The following MAP4K4 variants were observed in gnomAD, a reference collection of about 807,000 sequenced individuals.
The protein encoded by MAP4K4 is mitogen-activated protein kinase kinase kinase kinase 4.
MAP4K4 carries 38 observed loss-of-function variants against 189.6 expected under a neutral mutation model. The observed-to-expected ratio is 0.20, with a 90% confidence interval of 0.15 to 0.26. The LOEUF (loss-of-function observed/expected upper bound fraction) is 0.26. Ranked by LOEUF, MAP4K4 falls within the 10% of genes least tolerant of loss-of-function variation. MAP4K4 has a pLI of 1.00. For missense variants in MAP4K4, 1,054 were observed against 1,726.9 expected (o/e 0.61, Z 6.91); for synonymous variants, 610 against 624.3 (o/e 0.98, Z 0.34).
At chr2:101,872,601 G>A (rs747744291) in intron 24 of MAP4K4, among the ~76,000 whole-genome samples, 8 of 152,152 alleles carry the variant, frequency 5.3e-5, no homozygotes, top group Non-Finnish European at 5.9e-5. Context: ...CCTCTCCTCC[G>A]GAGGAGCAGT....
At chr2:101,701,951 C>T (rs893996570) in intron 2 of MAP4K4, among the ~76,000 whole-genome samples, 3 of 152,132 alleles carry the variant, frequency 2.0e-5, no homozygotes, top group Non-Finnish European at 2.9e-5. Context: ...CTGTAACCTC[C>T]GTCTCCCGGG....
intron 2 of MAP4K4, among the ~76,000 whole-genome samples, chr2:101,745,325 A>G (rs1437958991): frequency 9.4e-6 from 1 of 105,854 alleles, no homozygotes; most frequent in Non-Finnish European, 1.7e-5. Flanking sequence ...AAGTGAAAAT[A>G]TCACCCCCCC....
intron 2 of MAP4K4, among the ~76,000 whole-genome samples, chr2:101,714,576 C>T (rs1011186086): frequency 1.3e-5 from 2 of 152,162 alleles, no homozygotes; most frequent in African/African-American, 4.8e-5. Context: ...TCCCCGTTAT[C>T]AAAAAACCGT....
chr2:101,840,227 T>C (rs536151298), intron 10 of MAP4K4, among the ~76,000 whole-genome samples: 1 of 152,258 alleles, frequency 6.6e-6, no homozygotes, highest in South Asian at 2.1e-4. Flanking sequence ...GGCATTGCGA[T>C]GGGATGCTTT....
chr2:101,835,120 A>G lies in MAP4K4; in HGVS notation c.694+657A>G, dbSNP rs903730755. Among the ~76,000 whole-genome samples, 75 of 152,372 alleles carry G rather than the reference A, an allele frequency of 4.9e-4. 1 individual carries two copies. The highest frequency in any genetic ancestry group is 1.5e-3 in the African/African-American group (62 of 41,594). On this transcript the variant is annotated intron_variant, in intron 8 of 32. Transcript: ENST00000324219. ...TGAAAATAATTATCGACAGCTAAAA[A>G]TTAGTTTTCAGTATAGAAATAGAGA...
intron 2 of MAP4K4, among the ~76,000 whole-genome samples, chr2:101,739,882 A>G (rs1302707798): frequency 6.6e-6 from 1 of 152,168 alleles, no homozygotes; most frequent in Non-Finnish European, 1.5e-5. Context: ...CGGACTTTAT[A>G]AATCTTTTGT....
chr2:101,855,942 A>G (rs1385314044), intron 12 of MAP4K4, 35 bp from the exon 13 acceptor site: 1 of 1,536,106 alleles, frequency 6.5e-7, no homozygotes, highest in Non-Finnish European at 8.8e-7. Context: ...GATGGCGGGA[A>G]GATCCCTGGT....
chr2:101,859,773 A>AGCC (rs780336051), exon 15 of MAP4K4: 1 of 1,610,468 alleles, frequency 6.2e-7, no homozygotes, highest in South Asian at 1.1e-5. Context: ...CACTCGCAGC[A>AGCC]GCCGCCACCA....
At chr2:101,770,604 A>G (rs2080931551) in intron 2 of MAP4K4, among the ~76,000 whole-genome samples, 1 of 152,218 alleles carries the variant, frequency 6.6e-6, no homozygotes, top group Non-Finnish European at 1.5e-5. Flanking sequence ...TTTATAGAAT[A>G]AAAATATTAC....
intron 3 of MAP4K4, among the ~76,000 whole-genome samples, chr2:101,821,223 T>C (rs1458275446): frequency 6.6e-6 from 1 of 152,248 alleles, no homozygotes; most frequent in Non-Finnish European, 1.5e-5. Context: ...TATTGGGTCA[T>C]GTGACTGTTG....
chr2:101,809,369 G>A (rs957979426), intron 3 of MAP4K4, among the ~76,000 whole-genome samples: 2 of 149,640 alleles, frequency 1.3e-5, no homozygotes, highest in African/African-American at 4.9e-5. Flanking sequence ...TTTTGTTGTT[G>A]TTAGCTTACA....
intron 27 of MAP4K4, among the ~76,000 whole-genome samples, chr2:101,881,504 G>T (rs999091754): frequency 2.0e-5 from 3 of 152,058 alleles, no homozygotes; most frequent in Admixed American, 6.5e-5. Flanking sequence ...CCCAGTCCTT[G>T]TACCTTTTAT....
intron 2 of MAP4K4, among the ~76,000 whole-genome samples, chr2:101,760,649 T>G (rs1192280280): frequency 6.6e-6 from 1 of 152,030 alleles, no homozygotes; most frequent in Non-Finnish European, 1.5e-5. Context: ...TAAGATGTTC[T>G]TCTATTTAAA....
At chr2:101,842,023 A>C (rs1366189696) in intron 10 of MAP4K4, among the ~76,000 whole-genome samples, 1 of 152,164 alleles carries the variant, frequency 6.6e-6, no homozygotes, top group East Asian at 1.9e-4. Flanking sequence ...AGCAAATTTT[A>C]GTCTCATTCT....
At chr2:101,779,034 A>G (rs976142110) in intron 2 of MAP4K4, among the ~76,000 whole-genome samples, 2 of 152,128 alleles carry the variant, frequency 1.3e-5, no homozygotes, top group African/African-American at 4.8e-5. Flanking sequence ...CTTGGTTGCA[A>G]TGACTTGCTG....
rs2097918708 is a variant in MAP4K4 at position 101,869,531 on chromosome 2, C to G, written c.2464-91C>G. ...AACTATAAAAGTCTTACAAAACTGA[C>G]ATTGTGGCAATTTATGGTTAAAGAA... On this transcript the variant is annotated intron_variant, in intron 21 of 32. Transcript: ENST00000324219. The G allele has an allele frequency of 6.0e-6, 6 of 992,378 alleles. No individual in the cohort carries two copies. In the South Asian group the frequency reaches 8.8e-5, roughly 15 times the overall value. 61.5% of individuals were successfully genotyped at this position (992,378 alleles called of 1,614,324 possible).
chr2:101,781,456 G>T (rs1361853495), intron 2 of MAP4K4, among the ~76,000 whole-genome samples: 1 of 152,134 alleles, frequency 6.6e-6, no homozygotes, highest in East Asian at 1.9e-4. Context: ...TGGAGGCTGA[G>T]AAGCCAAAGG....
At position 101,787,337 on chromosome 2, in the gene MAP4K4, T is replaced by C. The variant is rs1317971081; in HGVS notation, c.124-3383T>C. 1.1e-4 allele frequency among the ~76,000 whole-genome samples: 17 copies of C among 152,332 alleles called. No homozygotes were observed. In the East Asian group the frequency reaches 3.1e-3, roughly 28 times the overall value. ...ATAGATGTCTACCCCCAAACATCAGTGAGTAATGCCTTTTCCTGTGTCCTT... is the reference window on the plus strand; with the variant it reads ...ATAGATGTCTACCCCCAAACATCAGCGAGTAATGCCTTTTCCTGTGTCCTT... On this transcript the variant is annotated intron_variant, in intron 2 of 32. Coordinates refer to ENST00000324219, the Ensembl canonical transcript of MAP4K4.
chr2:101,822,610 CA>C (rs1190176334), intron 3 of MAP4K4, among the ~76,000 whole-genome samples: 1 of 152,026 alleles, frequency 6.6e-6, no homozygotes, highest in Non-Finnish European at 1.5e-5. Flanking sequence ...ATAATATTTG[CA>C]AATCAAACTT....
Sources: gnomAD v4.1 joint callset for allele counts (sites outside exome capture counted in the v4.1 genomes callset) on GRCh38, gnomAD v4.1.1 for gene constraint, MANE v1.5 for transcripts, NCBI Gene and HGNC (gene_info 2026-07-23, HGNC 2026-07-21) for gene names.